Variants in INSC observed in about 807,000 individuals in gnomAD.
INSC encodes protein inscuteable homolog.
In INSC, 67 loss-of-function variants were observed where a neutral mutation model predicts 58.6. That is an observed-to-expected ratio of 1.14 (90% CI 0.94 to 1.40). The LOEUF (loss-of-function observed/expected upper bound fraction) is 1.40. Ranked by LOEUF, INSC falls within the 40% of genes most tolerant of loss-of-function variation. The probability of loss-of-function intolerance (pLI) is 0.00; values close to 1 mark genes in which losing one functional copy is unlikely to be tolerated. For synonymous variants in INSC, 262 were observed against 276.1 expected, an observed-to-expected ratio of 0.95 and a Z score of 0.51; for missense variants, 714 against 692.0, an observed-to-expected ratio of 1.03 and a Z score of -0.36.
At position 15,171,562 on chromosome 11, in the gene INSC, C is replaced by T. The variant is rs150663924; in HGVS notation, c.57-4179C>T. On this transcript the variant is annotated intron_variant, in intron 2 of 12. Coordinates refer to ENST00000379556, the MANE Select transcript of INSC (RefSeq NM_001042536.3). ...ACTGTCTTGACAAGTCCAAACCCTACCCAGGATATGACCACCTCCTCCAGG... is the reference window on the plus strand; with the variant it reads ...ACTGTCTTGACAAGTCCAAACCCTATCCAGGATATGACCACCTCCTCCAGG... Among the ~76,000 whole-genome samples the T allele has an allele frequency of 8.5e-5, 13 of 152,286 alleles. No homozygotes were observed. In the East Asian group the frequency reaches 2.5e-3, roughly 29 times the overall value.
chr11:15,188,477 A>C, intron 5 of INSC: 2 of 435,390 alleles, frequency 4.6e-6, no homozygotes, highest in Non-Finnish European at 6.1e-6. Flanking sequence ...TCCACTATGA[A>C]ATGAAGATTG....
At chr11:15,192,803 A>G (rs1204286316) in intron 6 of INSC, among the ~76,000 whole-genome samples, 2 of 152,180 alleles carry the variant, frequency 1.3e-5, no homozygotes, top group Non-Finnish European at 2.9e-5. Context: ...TTCTAATGCA[A>G]GTTCTCAGGG....
chr11:15,180,141 CCAG>C (rs1452051132), intron 5 of INSC, among the ~76,000 whole-genome samples: 5 of 152,018 alleles, frequency 3.3e-5, no homozygotes, highest in Non-Finnish European at 7.4e-5. Flanking sequence ...ACCTGTAGTC[CCAG>C]CTACTCAGGA....
At chr11:15,267,536 A>G in the INSC span, among the ~76,000 whole-genome samples, 1 of 151,898 alleles carries the variant, frequency 6.6e-6, no homozygotes, top group Non-Finnish European at 1.5e-5. Context: ...GTGCTATCTA[A>G]TATACTCTCA....
intron 5 of INSC, among the ~76,000 whole-genome samples, chr11:15,187,596 T>C (rs1465987486): frequency 6.6e-6 from 1 of 152,232 alleles, no homozygotes; most frequent in African/African-American, 2.4e-5. Context: ...GTTTTCAGAT[T>C]GACAGACAAT....
At chr11:15,165,839 C>A (rs1282624629) in intron 2 of INSC, among the ~76,000 whole-genome samples, 1 of 152,014 alleles carries the variant, frequency 6.6e-6, no homozygotes, top group Non-Finnish European at 1.5e-5. Flanking sequence ...TCATTCAGTT[C>A]CACCTTGTAG....
At chr11:15,173,491 A>G (rs1185972161) in intron 2 of INSC, among the ~76,000 whole-genome samples, 3 of 152,174 alleles carry the variant, frequency 2.0e-5, no homozygotes, top group Non-Finnish European at 4.4e-5. Flanking sequence ...CAAACCGTAC[A>G]TGAGATGTGA....
chr11:15,122,862 C>T (rs2133689235), intron 1 of INSC, among the ~76,000 whole-genome samples: 1 of 152,316 alleles, frequency 6.6e-6, no homozygotes, highest in East Asian at 1.9e-4. Flanking sequence ...CAAAACACAA[C>T]TCTGTTCATA....
At chr11:15,158,815 A>G (rs1314332147) in intron 2 of INSC, among the ~76,000 whole-genome samples, 1 of 149,562 alleles carries the variant, frequency 6.7e-6, no homozygotes, top group Non-Finnish European at 1.5e-5. Flanking sequence ...CTGGAACTCA[A>G]CACTTCAACT....
the INSC span, among the ~76,000 whole-genome samples, chr11:15,264,413 C>CT: frequency 1.4e-5 from 2 of 145,764 alleles, no homozygotes; most frequent in South Asian, 2.2e-4. Context: ...CCAAGGTACT[C>CT]TTTTTCAAAG....
At position 15,238,958 on chromosome 11, in the gene INSC, G is replaced by A. The variant is rs752825964; in HGVS notation, c.1277G>A (p.Arg426Lys). ...ATGGGCATGCTGTCTGAAAAACCAA[G>A]GTCTGGGACTCCTGCTGAAGTGGCA... ...LIMGMLSEKP[R>K]SGTPAEVAAC... Residue 426 changes from arginine (R) to lysine (K), a missense_variant, in exon 11 of 13, where the codon AGG (arginine) becomes AAG (lysine). Arg to Lys is a conservative substitution (Grantham distance 26). Transcript: ENST00000379556. The A allele has an allele frequency of 3.1e-6, 5 of 1,614,072 alleles. No homozygotes were observed. In the Admixed American group the frequency reaches 5.0e-5, roughly 16 times the overall value.
intron 2 of INSC, among the ~76,000 whole-genome samples, chr11:15,158,801 C>T (rs76232381): frequency 6.6e-6 from 1 of 151,046 alleles, no homozygotes; most frequent in East Asian, 1.9e-4. Flanking sequence ...TGCCTGACTC[C>T]TTGCTGGAAC....
intron 1 of INSC, among the ~76,000 whole-genome samples, chr11:15,143,436 G>T (rs1848420992): frequency 6.6e-6 from 1 of 152,106 alleles, no homozygotes; most frequent in Admixed American, 6.5e-5. Flanking sequence ...GCAGGGGGAG[G>T]CGTGGCTTGC....
chr11:15,218,094 G>A (rs1306652576), intron 7 of INSC, among the ~76,000 whole-genome samples: 2 of 152,170 alleles, frequency 1.3e-5, no homozygotes, highest in Non-Finnish European at 2.9e-5. Context: ...ATTTATAGCA[G>A]CACTGTCCAT....
chr11:15,143,112 G>C (rs902976187), intron 1 of INSC, among the ~76,000 whole-genome samples: 1 of 152,142 alleles, frequency 6.6e-6, no homozygotes, highest in Admixed American at 6.5e-5. Context: ...TGTCAGGCAC[G>C]GGGGGTATGG....
chr11:15,144,919 T>C (rs1297110030), intron 1 of INSC, among the ~76,000 whole-genome samples: 1 of 152,170 alleles, frequency 6.6e-6, no homozygotes, highest in East Asian at 1.9e-4. Context: ...TGTAAACTAG[T>C]CACTTCTGGT....
Position 15,235,586 on chromosome 11 carries a change from AAATTATCTT to A in INSC, c.1171-15_1171-7del. 1 of 1,609,906 alleles carries A rather than the reference AAATTATCTT, an allele frequency of 6.2e-7. No homozygotes were observed. The highest frequency in any genetic ancestry group is 8.5e-7 in the Non-Finnish European group (1 of 1,176,150). On this transcript the variant is annotated splice_region_variant and splice_polypyrimidine_tract_variant and intron_variant, in intron 9 of 12. Transcript: ENST00000379556. ...GGTGTGCTCATTTTCTGAGGTTTCT[AAATTATCTT>A]TTCCAGATTGTGACCATCTTGGCAA...
chr11:15,247,733 GTATATATA>G (rs57312382), downstream of INSC, among the ~76,000 whole-genome samples: 6 of 127,458 alleles, frequency 4.7e-5, no homozygotes, highest in Non-Finnish European at 6.8e-5. Context: ...TAGAAATAAG[GTATATATA>G]TATATATATA....
At chr11:15,249,713 G>T (rs554931574), downstream of INSC, among the ~76,000 whole-genome samples, 1 of 152,168 alleles carries the variant, frequency 6.6e-6, no homozygotes, top group African/African-American at 2.4e-5. Flanking sequence ...GTGCTCCAGG[G>T]AAAGGTAGAA....
Sources: gnomAD v4.1 joint callset for allele counts (sites outside exome capture counted in the v4.1 genomes callset) on GRCh38, gnomAD v4.1.1 for gene constraint, MANE v1.5 for transcripts, NCBI Gene and HGNC (gene_info 2026-07-23, HGNC 2026-07-21) for gene names.